The following RP1L1 variants were observed in gnomAD, a reference collection of about 807,000 sequenced individuals.
RP1L1 encodes retinitis pigmentosa 1-like 1 protein.
RP1L1 carries 27 observed loss-of-function variants against 15.7 expected under a neutral mutation model. The ratio of observed to expected loss-of-function variants is 1.72; its 90% confidence interval spans 1.27 to 2.38. The LOEUF is 2.38. Ranked by LOEUF, RP1L1 falls within the 30% of genes most tolerant of loss-of-function variation. The pLI is 0.00. For missense variants in RP1L1, 4,798 were observed against 3,075.9 expected (o/e 1.56, Z -13.24); for synonymous variants, 1,813 against 1,276.7 (o/e 1.42, Z -8.96).
chr8:10,611,990 C>A lies in RP1L1; in HGVS notation c.2108G>T (p.Arg703Leu). 2 of 1,613,852 alleles carry A rather than the reference C, an allele frequency of 1.2e-6. No homozygotes were observed. Among genetic ancestry groups the A allele is most frequent in the Non-Finnish European group, 1.7e-6 (2 of 1,180,000 alleles). The change falls in exon 4 of 4, where the codon CGA (arginine) becomes CTA (leucine). Residue 703 changes from arginine (R) to leucine (L), a missense_variant. Physicochemically the swap from Arg to Leu is moderately radical, Grantham distance 102. Transcript: ENST00000382483. ...GGTGCTCGATGAGCTTCCAGAATAT[C>A]GTGGCACTGAGCCATCCTGGCAGGC... is the stretch of plus-strand genomic sequence containing the variant. ...RRACQDGSVPRYSGSSSSTRT... is the reference protein window; with the variant it reads ...RRACQDGSVPLYSGSSSSTRT...
In RP1L1 at chr8:10,612,985, G is replaced by T. The variant is rs1446268709; in HGVS notation, c.1113C>A (p.Gly371=). The T allele has an allele frequency of 1.9e-6, 3 of 1,613,238 alleles. No homozygotes were observed. The highest frequency in any genetic ancestry group is 2.5e-6 in the Non-Finnish European group (3 of 1,179,910). ...EVDPLCCVWE[G]YPWGFSEPGV... is the part of the protein sequence containing the mutation. The stretch of plus-strand genomic sequence containing the variant: ...CAGGCTCTGAGAAGCCCCAAGGGTA[G>T]CCCTCCCACACACAGCAGAGGGGGT... The change falls in exon 4 of 4, where the codon GGC becomes GGA. Residue 371 remains glycine, a synonymous_variant. Coordinates refer to ENST00000382483, the MANE Select transcript of RP1L1 (RefSeq NM_178857.6).
At chr8:10,639,974 T>C (rs1477127831) in intron 1 of RP1L1, among the ~76,000 whole-genome samples, 3 of 152,258 alleles carry the variant, frequency 2.0e-5, no homozygotes, top group Admixed American at 6.5e-5. Flanking sequence ...ATATGCAATC[T>C]ATTTATTGTA....
chr8:10,654,527 C>A (rs1798609891), intron 1 of RP1L1, among the ~76,000 whole-genome samples: 1 of 152,128 alleles, frequency 6.6e-6, no homozygotes, highest in African/African-American at 2.4e-5. Context: ...CCCACCTCTC[C>A]CTCCTCTCCA....
In RP1L1 at chr8:10,611,689, G is replaced by C. The variant is rs547863925; in HGVS notation, c.2409C>G (p.Ser803=). The C allele has an allele frequency of 1.9e-6, 3 of 1,613,474 alleles. No homozygotes were observed. Among genetic ancestry groups the C allele is most frequent in the Non-Finnish European group, 2.5e-6 (3 of 1,179,992 alleles). The change falls in exon 4 of 4, where the codon TCC becomes TCG. Residue 803 remains serine (S), a synonymous_variant. Coordinates refer to ENST00000382483, the MANE Select transcript of RP1L1 (RefSeq NM_178857.6). ...GTCCAACCTGCAGAACCAAGGGTGA[G>C]GAGGGCTGAGGCGTGTCCCTGGCCT... is the stretch of plus-strand genomic sequence containing the variant. The part of the protein sequence containing the change: ...GEEARDTPQP[S]SPLVLQVGRP...
intron 1 of RP1L1, 23 bp from the exon 2 acceptor site, chr8:10,623,243 G>C (rs776200099): frequency 1.3e-6 from 2 of 1,505,090 alleles, no homozygotes; most frequent in Non-Finnish European, 8.8e-7. Context: ...AGAGGAAGAG[G>C]GGTCAGAGAG....
At position 10,623,019 on chromosome 8, in the gene RP1L1, G is replaced by A. The variant is rs1798094683; in HGVS notation, c.183C>T (p.Phe61=). The A allele has an allele frequency of 8.1e-6, 13 of 1,614,182 alleles. No homozygotes were observed. The highest frequency in any genetic ancestry group is 1.1e-5 in the Non-Finnish European group (13 of 1,180,034). Residue 61 remains phenylalanine (F), a synonymous_variant, in exon 2 of 4, where the codon TTC becomes TTT. Transcript: ENST00000382483. ...LAVHQRAFKT[F]SALMDELSQR... ...GGGAGAGCTCGTCCATGAGGGCGCTGAAGGTCTTAAAGGCGCGCTGGTGAA... is the reference window on the plus strand; with the variant it reads ...GGGAGAGCTCGTCCATGAGGGCGCTAAAGGTCTTAAAGGCGCGCTGGTGAA...
intron 1 of RP1L1, among the ~76,000 whole-genome samples, chr8:10,636,493 T>C (rs998231123): frequency 6.6e-6 from 1 of 152,194 alleles, no homozygotes; most frequent in Non-Finnish European, 1.5e-5. Flanking sequence ...GCCTCGCCTG[T>C]GCAGTTGAGG....
rs760906211 is a variant in RP1L1 at position 10,609,561 on chromosome 8, C to T, written c.4537G>A (p.Asp1513Asn). The part of the protein sequence containing the change: ...SSSVACSAAL[D>N]CDPIWVSVLL... ...ACGGACACCCAGATGGGGTCGCAGTCCAGAGCCGCGCTGCAGGCCACCGAA... is the reference window on the plus strand; with the variant it reads ...ACGGACACCCAGATGGGGTCGCAGTTCAGAGCCGCGCTGCAGGCCACCGAA... The change falls in exon 4 of 4, where the codon GAC (aspartate) becomes AAC (asparagine). Residue 1513 changes from aspartate (D) to asparagine (N), a missense_variant. Physicochemically the swap from Asp to Asn is conservative, Grantham distance 23. Transcript: ENST00000382483. The T allele has an allele frequency of 1.9e-6, 3 of 1,604,044 alleles. No individual in the cohort carries two copies. The highest frequency in any genetic ancestry group is 1.7e-4 in the Middle Eastern group (1 of 6,044).
At chr8:10,620,771 T>C (rs1798045473) in intron 2 of RP1L1, among the ~76,000 whole-genome samples, 1 of 152,200 alleles carries the variant, frequency 6.6e-6, no homozygotes, top group Non-Finnish European at 1.5e-5. Context: ...AGGGCTACTA[T>C]TACACAATGG....
rs545784234 is a variant in RP1L1, at chr8:10,610,861, C to T, written c.3237G>A (p.Val1079=). ...CCCTCATGATCTGCGTGGAGGCAGA[C>T]ACCCGGCCAGGAAGTGCCCGCAGGC... ...RVSLRALPGR[V]SASTQIMRAL... Residue 1079 remains valine, a synonymous_variant, in exon 4 of 4, where the codon GTG becomes GTA. Transcript: ENST00000382483. 52 of 1,608,380 alleles carry T rather than the reference C, an allele frequency of 3.2e-5. No individual in the cohort carries two copies. The Admixed American group carries it at 6.7e-4, about 21-fold the overall frequency.
At chr8:10,621,163 T>A (rs369055240) in intron 2 of RP1L1, 2 of 152,910 alleles carry the variant, frequency 1.3e-5, no homozygotes, top group East Asian at 3.8e-4. Context: ...AGATAGACGA[T>A]ATCAAGGTGA....
intron 1 of RP1L1, among the ~76,000 whole-genome samples, chr8:10,640,238 C>G (rs1798387257): frequency 6.6e-6 from 1 of 152,190 alleles, no homozygotes; most frequent in African/African-American, 2.4e-5. Flanking sequence ...ACAGTCAGGC[C>G]TCGTCTACCT....
chr8:10,611,363 C>T lies in RP1L1; in HGVS notation c.2735G>A (p.Ser912Asn). ...GPNSGASRRS[S>N]ASQGAGSRGL... The stretch of plus-strand genomic sequence containing the variant: ...CCGAGACCCCGCACCCTGGCTGGCA[C>T]TGCTTCTCCTTGATGCCCCTGAATT... Residue 912 changes from serine (S) to asparagine (N), a missense_variant, in exon 4 of 4, where the codon AGT becomes AAT. By Grantham distance (46) the Ser-to-Asn change is conservative (BLOSUM62 1). Transcript: ENST00000382483. 1 of 1,610,808 alleles carries T rather than the reference C, an allele frequency of 6.2e-7. No homozygotes were observed. Among genetic ancestry groups the T allele is most frequent in the Non-Finnish European group, 8.5e-7 (1 of 1,179,522 alleles).
At chr8:10,629,258 G>T (rs889293401) in intron 1 of RP1L1, among the ~76,000 whole-genome samples, 13 of 148,780 alleles carry the variant, frequency 8.7e-5, no homozygotes, top group African/African-American at 3.2e-4. Flanking sequence ...TAGCTGCCAA[G>T]GGTCTGGAAA....
chr8:10,612,689 G>C lies in RP1L1; in HGVS notation c.1409C>G (p.Ser470Cys), dbSNP rs1477258691. 6.2e-7 allele frequency: 1 copy of C among 1,603,150 alleles called. No individual in the cohort carries two copies. The highest frequency in any genetic ancestry group is 1.3e-5 in the African/African-American group (1 of 74,870). Residue 470 changes from serine (S) to cysteine (C), a missense_variant, in exon 4 of 4, where the codon TCC becomes TGC. Physicochemically the swap from Ser to Cys is moderately radical, Grantham distance 112. Coordinates refer to ENST00000382483, the MANE Select transcript of RP1L1 (RefSeq NM_178857.6). ...GTCCTCCGGGGTCCTGGGGCAGCAGGAGGACTCTGGCTCCGAGCCCTCGGG... is the reference window on the plus strand; with the variant it reads ...GTCCTCCGGGGTCCTGGGGCAGCAGCAGGACTCTGGCTCCGAGCCCTCGGG... Reference protein sequence around the residue: ...GLPEGSEPESSCCPRTPEDGV... With the variant: ...GLPEGSEPESCCCPRTPEDGV...
Position 10,611,118 on chromosome 8 carries a change from G to A in RP1L1, c.2980C>T (p.Pro994Ser), listed in dbSNP as rs1318073892. The A allele has an allele frequency of 1.1e-5, 18 of 1,612,758 alleles. No individual in the cohort carries two copies. The highest frequency in any genetic ancestry group is 1.4e-5 in the Non-Finnish European group (17 of 1,180,018). Reference sequence around the variant, plus strand: ...CCTTCCAGAGAATGGTCATCCCCAGGGTCCACCTCGGGGCCTCTCAGGCCA... The same window carrying A: ...CCTTCCAGAGAATGGTCATCCCCAGAGTCCACCTCGGGGCCTCTCAGGCCA... ...GGGLRGPEVDPGDDHSLEGLG... is the reference protein window; with the variant it reads ...GGGLRGPEVDSGDDHSLEGLG... Residue 994 changes from proline to serine, a missense_variant, in exon 4 of 4, where the codon CCT becomes TCT. Coordinates refer to ENST00000382483, the MANE Select transcript of RP1L1 (RefSeq NM_178857.6).
At chr8:10,619,841 T>A (rs1798030332) in intron 2 of RP1L1, among the ~76,000 whole-genome samples, 1 of 151,576 alleles carries the variant, frequency 6.6e-6, no homozygotes, top group African/African-American at 2.4e-5. Flanking sequence ...GCGCCTGTAG[T>A]CCCAGCTACT....
At position 10,610,347 on chromosome 8, in the gene RP1L1, C is replaced by G. The variant is rs756282351; in HGVS notation, c.3751G>C (p.Glu1251Gln). The change falls in exon 4 of 4, where the codon GAA (glutamate) becomes CAA (glutamine). Residue 1251 changes from glutamate (E) to glutamine (Q), a missense_variant. Physicochemically the swap from Glu to Gln is conservative, Grantham distance 29 (BLOSUM62 2). Coordinates refer to ENST00000382483, the MANE Select transcript of RP1L1 (RefSeq NM_178857.6). ...GGGAAACAACACTGCTGTTGGTTTTCCAGATCCCCTGGGCTCTCATAAGTT... is the reference window on the plus strand; with the variant it reads ...GGGAAACAACACTGCTGTTGGTTTTGCAGATCCCCTGGGCTCTCATAAGTT... ...SRTYESPGDL[E>Q]NQQQCCFPTF... The G allele has an allele frequency of 6.2e-7, 1 of 1,614,174 alleles. No individual in the cohort carries two copies. The highest frequency in any genetic ancestry group is 1.3e-5 in the African/African-American group (1 of 75,040).
rs1420042035 is a variant in RP1L1, at chr8:10,607,099, G to A, written c.6999C>T (p.Thr2333=). 3 of 1,614,064 alleles carry A rather than the reference G, an allele frequency of 1.9e-6. No homozygotes were observed. Among genetic ancestry groups the A allele is most frequent in the Non-Finnish European group, 2.5e-6 (3 of 1,180,028 alleles). Residue 2333 remains threonine (T), a synonymous_variant, in exon 4 of 4, where the codon ACC becomes ACT. Transcript: ENST00000382483. ...TGGTGGCCTTCCTCTCTGCATGAGG[G>A]GTCCCCGTGGACTTGGCATCAGGGC... ...TRSPDAKSTG[T]PHAERKATRM...
Sources: gnomAD v4.1 joint callset for allele counts (sites outside exome capture counted in the v4.1 genomes callset) on GRCh38, gnomAD v4.1.1 for gene constraint, MANE v1.5 for transcripts, NCBI Gene and HGNC (gene_info 2026-07-23, HGNC 2026-07-21) for gene names.